The following NXNL2 variants were observed in gnomAD, a reference collection of about 807,000 sequenced individuals.
NXNL2 encodes the protein nucleoredoxin-like protein 2.
In NXNL2, 7 loss-of-function variants were observed where a neutral mutation model predicts 11.1. The observed-to-expected ratio is 0.63, with a 90% CI of 0.36 to 1.18. The LOEUF (loss-of-function observed/expected upper bound fraction) is 1.18, where lower values mean the gene tolerates loss of function less well. Among genes scored for constraint, NXNL2 ranks in the 50% most tolerant of loss-of-function variants. The pLI, the probability that NXNL2 is intolerant of heterozygous loss-of-function variation, is 0.02. For missense variants in NXNL2, 233 were observed against 217.7 expected, an observed-to-expected ratio of 1.07 and a Z score of -0.44; for synonymous variants, 109 against 101.8, an observed-to-expected ratio of 1.07 and a Z score of -0.42.
chr9:88,573,200 G>A (rs1450786013), intron 2 of NXNL2, among the ~76,000 whole-genome samples: 1 of 151,818 alleles, frequency 6.6e-6, no homozygotes, highest in Non-Finnish European at 1.5e-5. Flanking sequence ...CTGGAGTGCA[G>A]TGGTAAGATC....
At chr9:88,537,935 A>G (rs2118394194) in intron 1 of NXNL2, among the ~76,000 whole-genome samples, 1 of 152,320 alleles carries the variant, frequency 6.6e-6, no homozygotes, top group East Asian at 1.9e-4. Context: ...GCCAGCAACA[A>G]GGATGTGGCT....
chr9:88,578,187 A>G (rs1830368505), downstream of NXNL2, among the ~76,000 whole-genome samples: 2 of 152,226 alleles, frequency 1.3e-5, no homozygotes, highest in Non-Finnish European at 2.9e-5. Flanking sequence ...GTTCCATCAC[A>G]ACCAAAATAA....
At chr9:88,583,106 G>T (rs898632582) in intron 1 of NXNL2, among the ~76,000 whole-genome samples, 3 of 152,218 alleles carry the variant, frequency 2.0e-5, no homozygotes, top group South Asian at 2.1e-4. Context: ...AGGACACCTT[G>T]ATGCTGCTCT....
At position 88,544,399 on chromosome 9, in the gene NXNL2, A is replaced by G. The variant is rs1450188855; in HGVS notation, c.323A>G (p.Asn108Ser). 2.7e-5 allele frequency: 42 copies of G among 1,551,800 alleles called. No individual in the cohort carries two copies. Among genetic ancestry groups the G allele is most frequent in the Non-Finnish European group, 3.6e-5 (41 of 1,147,042 alleles). ...PYRHELRKRY[N>S]VTAIPKLVIV... is the part of the protein sequence containing the mutation. ...TGCAGTGAGCTGAGGAAGAGGTACA[A>G]CGTCACAGCCATCCCCAAGCTTGTG... The change falls in exon 2 of 2, where the codon AAC becomes AGC. Residue 108 changes from asparagine to serine, a missense_variant. By Grantham distance (46) the Asn-to-Ser change is conservative. Coordinates refer to ENST00000375854, the MANE Select transcript of NXNL2 (RefSeq NM_001161625.2).
intron 1 of NXNL2, among the ~76,000 whole-genome samples, chr9:88,540,833 C>T (rs66800432): frequency 1.3e-5 from 2 of 151,188 alleles, no homozygotes. Flanking sequence ...ACAGTGTCCC[C>T]TCAAGGAGGT....
intron 1 of NXNL2, among the ~76,000 whole-genome samples, chr9:88,541,984 A>G (rs1450367831): frequency 2.0e-5 from 3 of 152,028 alleles, no homozygotes; most frequent in Non-Finnish European, 2.9e-5. Flanking sequence ...TAATCCCAGC[A>G]CTTTGGGAGG....
chr9:88,583,739 G>C (rs555573934), intron 1 of NXNL2, among the ~76,000 whole-genome samples: 1 of 152,202 alleles, frequency 6.6e-6, no homozygotes, highest in Admixed American at 6.5e-5. Flanking sequence ...TCTGTAGAAT[G>C]CAATTAGGGT....
At chr9:88,553,213 AT>A (rs1829965603) in intron 1 of NXNL2, among the ~76,000 whole-genome samples, 2 of 152,160 alleles carry the variant, frequency 1.3e-5, no homozygotes, top group Admixed American at 1.3e-4. Context: ...CGGCTTGGTG[AT>A]GTGCGCCTGT....
chr9:88,572,041 C>T (rs6560097), intron 2 of NXNL2, among the ~76,000 whole-genome samples: 47,396 of 152,060 alleles, frequency 0.31, 11,606 homozygotes, highest in East Asian at 0.86. Flanking sequence ...CTGAGGAGCA[C>T]GTGCCCAGAG....
chr9:88,561,003 C>T (rs1285633521), intron 1 of NXNL2, among the ~76,000 whole-genome samples: 1 of 152,156 alleles, frequency 6.6e-6, no homozygotes, highest in Non-Finnish European at 1.5e-5. Context: ...CACAAGAAGA[C>T]CCCACACATG....
At chr9:88,576,584 G>A (rs1830351064), downstream of NXNL2, among the ~76,000 whole-genome samples, 2 of 152,206 alleles carry the variant, frequency 1.3e-5, no homozygotes, top group South Asian at 4.1e-4. Flanking sequence ...CTCCTGAGGG[G>A]AGAAGGGGAA....
rs1412250586 is a variant in NXNL2, at chr9:88,535,385, T to A, written c.-50T>A. ...CTCGCCGCCGCCTCCCCGCAGGTGA[T>A]CATCCTCCTGCAGGTGTCCTCGGGT... On this transcript the variant is annotated 5_prime_UTR_variant, in exon 1 of 2. Coordinates refer to ENST00000375854, the MANE Select transcript of NXNL2 (RefSeq NM_001161625.2). 6.7e-7 allele frequency: 1 copy of A among 1,489,958 alleles called. No homozygotes were observed. The highest frequency in any genetic ancestry group is 2.3e-5 in the Admixed American group (1 of 44,206). The allele number at this position is 1,489,958 out of a possible 1,614,324, so 92.3% of individuals were successfully genotyped here.
At chr9:88,584,032 C>G (rs1352941207) in exon 2 of NXNL2, 2 of 152,266 alleles carry the variant, frequency 1.3e-5, no homozygotes, top group Non-Finnish European at 2.9e-5. Context: ...CGGCCACCTT[C>G]TCTCCATGCC....
At chr9:88,550,141 G>C (rs533851309) in intron 1 of NXNL2, among the ~76,000 whole-genome samples, 1 of 152,142 alleles carries the variant, frequency 6.6e-6, no homozygotes, top group Non-Finnish European at 1.5e-5. Flanking sequence ...TAAACTACCA[G>C]ATCTTGCAAG....
Position 88,535,218 on chromosome 9 carries a change from C to T in NXNL2, c.-217C>T. 1.8e-6 allele frequency: 1 copy of T among 560,552 alleles called. No homozygotes were observed. The highest frequency in any genetic ancestry group is 3.1e-6 in the Non-Finnish European group (1 of 322,566). The allele number at this position is 560,552 out of a possible 1,614,324, so 34.7% of individuals were successfully genotyped here. A position where few individuals can be genotyped will look rare whatever the true frequency, so the allele number is the denominator to read the frequency against. On this transcript the variant is annotated 5_prime_UTR_variant, in exon 1 of 2. Coordinates refer to ENST00000375854, the MANE Select transcript of NXNL2 (RefSeq NM_001161625.2). ...GCTGTCGCCCAGGTATCTGGGGTCT[C>T]TGGTGTCTGAGTGTCTCATTGTCGG... is the stretch of plus-strand genomic sequence containing the variant.
chr9:88,569,384 T>C (rs1830226279), intron 1 of NXNL2, among the ~76,000 whole-genome samples: 1 of 152,242 alleles, frequency 6.6e-6, no homozygotes, highest in Non-Finnish European at 1.5e-5. Flanking sequence ...CTGTGCAGTA[T>C]GTAGTTTCTT....
intron 2 of NXNL2, among the ~76,000 whole-genome samples, chr9:88,571,407 A>G (rs1182199815): frequency 6.6e-6 from 1 of 152,200 alleles, no homozygotes; most frequent in Non-Finnish European, 1.5e-5. Context: ...GCTTGGAGCT[A>G]TAGGTGCTTT....
At chr9:88,579,291 C>A (rs959193874), downstream of NXNL2, among the ~76,000 whole-genome samples, 7 of 152,182 alleles carry the variant, frequency 4.6e-5, no homozygotes, top group Non-Finnish European at 1.0e-4. Context: ...CCCTGCAATC[C>A]GGAATGCCTG....
At chr9:88,564,977 GCA>G (rs1378688446) in intron 1 of NXNL2, among the ~76,000 whole-genome samples, 3 of 152,114 alleles carry the variant, frequency 2.0e-5, no homozygotes, top group African/African-American at 7.2e-5. Context: ...TATTCATGTG[GCA>G]CAGATGAAAC....
Sources: gnomAD v4.1 joint callset for allele counts (sites outside exome capture counted in the v4.1 genomes callset) on GRCh38, gnomAD v4.1.1 for gene constraint, MANE v1.5 for transcripts, NCBI Gene and HGNC (gene_info 2026-07-23, HGNC 2026-07-21) for gene names.